Variants in CFAP221 observed in about 807,000 individuals in gnomAD.
CFAP221 encodes the protein cilia- and flagella-associated protein 221.
CFAP221 carries 97 observed loss-of-function variants against 113.1 expected under a neutral mutation model. That is an observed-to-expected ratio of 0.86 (90% CI 0.73 to 1.02). The LOEUF (loss-of-function observed/expected upper bound fraction) is 1.02. CFAP221 is among the 50% of genes least tolerant of loss of function. The pLI is 0.00. For synonymous variants in CFAP221, 331 were observed against 354.4 expected, an observed-to-expected ratio of 0.93 and a Z score of 0.74; for missense variants, 1,025 against 1,013.4, an observed-to-expected ratio of 1.01 and a Z score of -0.16.
chr2:119,588,167 G>T (rs565200721), intron 7 of CFAP221, among the ~76,000 whole-genome samples: 1 of 152,220 alleles, frequency 6.6e-6, no homozygotes, highest in East Asian at 1.9e-4. Flanking sequence ...CTCACAGTAG[G>T]TCTTTCTGTG....
intron 1 of CFAP221, 49 bp from the exon 2 acceptor site, chr2:119,546,036 T>C (rs897720512): frequency 7.7e-7 from 1 of 1,295,302 alleles, no homozygotes; most frequent in Non-Finnish European, 1.0e-6. Context: ...AGAGAAAAAA[T>C]GTGCGTGGTT....
intron 19 of CFAP221, among the ~76,000 whole-genome samples, chr2:119,635,377 C>G (rs533471108): frequency 6.6e-6 from 1 of 152,152 alleles, no homozygotes; most frequent in African/African-American, 2.4e-5. Context: ...TATATGTTCC[C>G]AAACATATAA....
At chr2:119,557,825 C>T (rs1436333055) in intron 3 of CFAP221, among the ~76,000 whole-genome samples, 1 of 151,884 alleles carries the variant, frequency 6.6e-6, no homozygotes, top group African/African-American at 2.4e-5. Flanking sequence ...ATGGTGAAAC[C>T]CCATCTGTCT....
At chr2:119,616,718 C>G (rs932473547) in intron 14 of CFAP221, among the ~76,000 whole-genome samples, 1 of 152,234 alleles carries the variant, frequency 6.6e-6, no homozygotes, top group East Asian at 1.9e-4. Context: ...CCCTGTGAAT[C>G]TGCTCTCAGC....
In CFAP221 at chr2:119,656,361, G is replaced by T. The variant is rs745570851; in HGVS notation, c.2415-1G>T. ...TCCTTCTTGGGTTTTTTGATACTCA[G>T]AGAAGTGAAAGATCAAGCACAACCA... On this transcript the variant is annotated splice_acceptor_variant, in intron 23 of 23. Transcript: ENST00000413369. LOFTEE classifies it high-confidence loss of function. 6.2e-7 allele frequency: 1 copy of T among 1,613,732 alleles called. No homozygotes were observed. The highest frequency in any genetic ancestry group is 8.5e-7 in the Non-Finnish European group (1 of 1,179,698).
rs1279609369 is a variant in CFAP221, at chr2:119,639,868, A to G, written c.2221A>G (p.Lys741Glu). The G allele has an allele frequency of 6.2e-7, 1 of 1,613,364 alleles. No homozygotes were observed. Among genetic ancestry groups the G allele is most frequent in the Non-Finnish European group, 8.5e-7 (1 of 1,179,270 alleles). The change falls in exon 21 of 24, where the codon AAG becomes GAG. Residue 741 changes from lysine to glutamate, a missense_variant. Lys to Glu is a moderately conservative substitution (Grantham distance 56, BLOSUM62 1). Coordinates refer to ENST00000413369, the MANE Select transcript of CFAP221 (RefSeq NM_001271049.2). The part of the protein sequence containing the change: ...LPDPSKMETT[K>E]SCDSFNSFML... ...GGACCCCTCCAAGATGGAGACCACAAAGAGGTAAGCACAGCTCATCTGTTT... is the reference window on the plus strand; with the variant it reads ...GGACCCCTCCAAGATGGAGACCACAGAGAGGTAAGCACAGCTCATCTGTTT...
chr2:119,562,499 T>A (rs1024696966), intron 6 of CFAP221, among the ~76,000 whole-genome samples: 4 of 152,080 alleles, frequency 2.6e-5, no homozygotes, highest in Non-Finnish European at 4.4e-5. Context: ...GCTCCAGACA[T>A]TAGCCTGGGG....
chr2:119,585,318 CTT>C (rs1476549964), intron 6 of CFAP221, among the ~76,000 whole-genome samples: 1 of 152,248 alleles, frequency 6.6e-6, no homozygotes, highest in African/African-American at 2.4e-5. Context: ...GTAGGGGTCA[CTT>C]ATAAAATTTG....
chr2:119,560,176 G>A, intron 5 of CFAP221, 150 bp downstream of exon 5: 1 of 662,640 alleles, frequency 1.5e-6, no homozygotes, highest in South Asian at 2.0e-5. Context: ...CAGTGTGACT[G>A]GCGTGCAAAG....
chr2:119,638,312 G>T lies in CFAP221; in HGVS notation c.2028G>T (p.Thr676=). The T allele has an allele frequency of 6.2e-7, 1 of 1,614,070 alleles. No homozygotes were observed. Among genetic ancestry groups the T allele is most frequent in the Non-Finnish European group, 8.5e-7 (1 of 1,179,916 alleles). Residue 676 remains threonine, a synonymous_variant, in exon 20 of 24, where the codon ACG becomes ACT. Coordinates refer to ENST00000413369, the MANE Select transcript of CFAP221 (RefSeq NM_001271049.2). ...AVMHPLTYAE[T]LIDYHLCSHP... ...TGCATCCTCTGACCTATGCAGAAAC[G>T]TTGATAGATTACCATCTATGCTCTC...
At chr2:119,594,504 A>G (rs1352248484) in intron 7 of CFAP221, among the ~76,000 whole-genome samples, 1 of 151,846 alleles carries the variant, frequency 6.6e-6, no homozygotes, top group Non-Finnish European at 1.5e-5. Flanking sequence ...TCAGCCTCCC[A>G]AAGTGCTGGG....
chr2:119,608,125 A>C (rs939269008), intron 11 of CFAP221, among the ~76,000 whole-genome samples: 2 of 152,162 alleles, frequency 1.3e-5, no homozygotes, highest in Non-Finnish European at 2.9e-5. Flanking sequence ...CATTCCCACT[A>C]GCAACATATG....
chr2:119,657,027 C>G (rs896756822), downstream of CFAP221, among the ~76,000 whole-genome samples: 1 of 152,078 alleles, frequency 6.6e-6, no homozygotes, highest in Non-Finnish European at 1.5e-5. Flanking sequence ...CACAGAAGCA[C>G]CTGGAGCAGG....
chr2:119,549,863 G>A (rs763300220), intron 3 of CFAP221, among the ~76,000 whole-genome samples: 1 of 152,230 alleles, frequency 6.6e-6, no homozygotes, highest in Non-Finnish European at 1.5e-5. Context: ...TATAGCAACT[G>A]CTGTTTAGCA....
In CFAP221 at chr2:119,608,495, TCCCCAGG is replaced by T; in HGVS notation, c.1134-5_1135del. 6.4e-7 allele frequency: 1 copy of T among 1,553,994 alleles called. No individual in the cohort carries two copies. The highest frequency in any genetic ancestry group is 1.9e-5 in the Admixed American group (1 of 51,720). On this transcript the variant is annotated splice_acceptor_variant and splice_polypyrimidine_tract_variant and coding_sequence_variant and intron_variant, in exon 12 of 24. Transcript: ENST00000413369. LOFTEE classifies it high-confidence loss of function. ...TTCTGGACACAGTTTTTTTTTTTTCTCCCCAGGCAGGTGCACCTTGGTAAAGATCCTA... is the reference window on the plus strand; with the variant it reads ...TTCTGGACACAGTTTTTTTTTTTTCTCAGGTGCACCTTGGTAAAGATCCTA...
chr2:119,600,512 A>C (rs1174913582), intron 7 of CFAP221, among the ~76,000 whole-genome samples: 3 of 152,236 alleles, frequency 2.0e-5, no homozygotes, highest in African/African-American at 7.2e-5. Context: ...TATTTGTAGA[A>C]GTGACACAAT....
intron 6 of CFAP221, 71 bp from the exon 7 acceptor site, chr2:119,587,048 T>C: frequency 8.5e-7 from 1 of 1,182,168 alleles, no homozygotes; most frequent in South Asian, 1.7e-5. Context: ...TGAGTCTCCA[T>C]TCCTTGCTAC....
At chr2:119,595,746 T>G (rs900944445) in intron 7 of CFAP221, among the ~76,000 whole-genome samples, 1 of 151,750 alleles carries the variant, frequency 6.6e-6, no homozygotes, top group Non-Finnish European at 1.5e-5. Context: ...AGAGCAAAAA[T>G]GGTGGTGAGA....
intron 7 of CFAP221, among the ~76,000 whole-genome samples, chr2:119,592,937 A>G: frequency 6.6e-6 from 1 of 152,186 alleles, no homozygotes; most frequent in Non-Finnish European, 1.5e-5. Context: ...CAGGATATGT[A>G]TTGGTGTTGT....
Sources: gnomAD v4.1 joint callset for allele counts (sites outside exome capture counted in the v4.1 genomes callset) on GRCh38, gnomAD v4.1.1 for gene constraint, MANE v1.5 for transcripts, NCBI Gene and HGNC (gene_info 2026-07-23, HGNC 2026-07-21) for gene names.